Variants in NADK observed in about 807,000 individuals in gnomAD.
The protein encoded by NADK is poly(P)/ATP NAD kinase.
A neutral mutation model predicts 49.8 loss-of-function variants in NADK; 22 were observed. The ratio of observed to expected loss-of-function variants is 0.44; its 90% CI spans 0.32 to 0.63. NADK has a LOEUF of 0.63. Ranked by LOEUF, NADK falls within the 30% of genes least tolerant of loss-of-function variation. The probability of loss-of-function intolerance (pLI) is 0.06; values close to 1 mark genes in which losing one functional copy is unlikely to be tolerated. For missense variants in NADK, 438 were observed against 609.4 expected (o/e 0.72, Z 2.96); for synonymous variants, 268 against 253.7 (o/e 1.06, Z -0.54).
chr1:1,756,311 T>C lies in NADK; in HGVS notation c.532A>G (p.Ile178Val), dbSNP rs745346902. ...GTCCCGTCTCCCCCCAGGCAGATGATGAAGTCTATCTGATTGGAAATGTCA... is the reference window on the plus strand; with the variant it reads ...GTCCCGTCTCCCCCCAGGCAGATGACGAAGTCTATCTGATTGGAAATGTCA... ...YDDISNQIDF[I>V]ICLGGDGTLL... The change falls in exon 6 of 12, where the codon ATC becomes GTC. Residue 178 changes from isoleucine (I) to valine (V), a missense_variant. By Grantham distance (29) the Ile-to-Val change is conservative. Transcript: ENST00000341426. 1.9e-6 allele frequency: 3 copies of C among 1,614,144 alleles called. No homozygotes were observed. The highest frequency in any genetic ancestry group is 1.1e-5 in the South Asian group (1 of 91,090).
intron 1 of NADK, among the ~76,000 whole-genome samples, chr1:1,768,537 T>C (rs1469424806): frequency 1.2e-4 from 19 of 152,260 alleles, no homozygotes; most frequent in Non-Finnish European, 2.5e-4. Flanking sequence ...GCCTAGGCAA[T>C]AGAGACCCTG....
intron 2 of NADK, among the ~76,000 whole-genome samples, chr1:1,764,788 C>T (rs191611338): frequency 5.1e-4 from 78 of 152,322 alleles, no homozygotes; most frequent in African/African-American, 1.8e-3. Flanking sequence ...GTAATCCCAG[C>T]TTCTTGGGAG....
chr1:1,765,663 G>A (rs952889585), intron 1 of NADK, among the ~76,000 whole-genome samples: 1 of 152,196 alleles, frequency 6.6e-6, no homozygotes, highest in African/African-American at 2.4e-5. Flanking sequence ...TGTCATCCCA[G>A]CACTTTGGGA....
rs1244509206 is a variant in NADK, at chr1:1,754,994, G to T, written c.689-296C>A. On this transcript the variant is annotated intron_variant, in intron 7 of 11. Transcript: ENST00000341426. This position sits in a 1 kb window ranked among gnomAD's most constrained non-coding sequence, Gnocchi z 4.3. Reference sequence around the variant, plus strand: ...GCACCACCACGCCCAGCTAATTTTTGTATTTTTAGTAGAGACGGGGTTTCA... The same window carrying T: ...GCACCACCACGCCCAGCTAATTTTTTTATTTTTAGTAGAGACGGGGTTTCA... The T allele has an allele frequency of 7.4e-6, 3 of 403,836 alleles. No homozygotes were observed. The highest frequency in any genetic ancestry group is 8.6e-5 in the Admixed American group (2 of 23,320). 25.0% of individuals were successfully genotyped at this position (403,836 alleles called of 1,614,324 possible).
intron 2 of NADK, 107 bp from the exon 3 acceptor site, chr1:1,762,142 A>G (rs1359248112): frequency 2.2e-6 from 2 of 918,694 alleles, no homozygotes; most frequent in African/African-American, 3.3e-5. Context: ...TGCAATTTGA[A>G]AGATGCCAAC....
At chr1:1,771,093 T>C (rs984686297) in intron 1 of NADK, among the ~76,000 whole-genome samples, 2 of 146,484 alleles carry the variant, frequency 1.4e-5, no homozygotes, top group South Asian at 2.1e-4. Context: ...CACACACATA[T>C]ATTATTAAAA....
chr1:1,763,375 T>C (rs537610003), intron 2 of NADK, among the ~76,000 whole-genome samples: 1 of 152,124 alleles, frequency 6.6e-6, no homozygotes, highest in East Asian at 1.9e-4. Flanking sequence ...TCCCAGCACT[T>C]TGGGAGGCTG....
At chr1:1,765,593 C>T in intron 1 of NADK, 147 bp from the exon 2 acceptor site, 1 of 458,730 alleles carries the variant, frequency 2.2e-6, no homozygotes, top group Non-Finnish European at 3.7e-6. Flanking sequence ...CAGACTGTTT[C>T]CATTGCAAAG....
chr1:1,766,729 C>G (rs1383962383), intron 1 of NADK, among the ~76,000 whole-genome samples: 1 of 151,176 alleles, frequency 6.6e-6, no homozygotes, highest in Non-Finnish European at 1.5e-5. Context: ...CTCAGCCTTC[C>G]AAGTAGCTGG....
chr1:1,754,233 A>G lies in NADK; in HGVS notation c.944-25T>C, dbSNP rs750556093. ...CCTGACAGGGACAGGCGCAGGCGTC[A>G]CTCCCGCCCGAGGGACGCTCAGGGC... On this transcript the variant is annotated intron_variant, in intron 9 of 11. Coordinates refer to ENST00000341426, the MANE Select transcript of NADK (RefSeq NM_023018.5). The surrounding 1 kb of genome is among the most constrained non-coding windows in gnomAD (Gnocchi z 4.3). The G allele has an allele frequency of 6.2e-7, 1 of 1,612,670 alleles. No individual in the cohort carries two copies. Among genetic ancestry groups the G allele is most frequent in the South Asian group, 1.1e-5 (1 of 91,060 alleles).
intron 1 of NADK, among the ~76,000 whole-genome samples, chr1:1,772,543 C>T (rs373053968): frequency 7.2e-5 from 11 of 151,980 alleles, no homozygotes; most frequent in Non-Finnish European, 1.5e-4. Flanking sequence ...GAGGCCGAGG[C>T]GGGAGGATCG....
chr1:1,776,391 A>C (rs1412504211), intron 1 of NADK, among the ~76,000 whole-genome samples: 7 of 152,144 alleles, frequency 4.6e-5, no homozygotes, highest in Non-Finnish European at 7.3e-5. Context: ...TTTCAAGAAG[A>C]AAATGCTGTT....
rs998538937 is a variant in NADK at position 1,753,653 on chromosome 1, A to T, written c.1102-4T>A. On this transcript the variant is annotated splice_polypyrimidine_tract_variant and splice_region_variant and intron_variant, in intron 10 of 11. Transcript: ENST00000341426. ...TTGCTTCAGGTGACAGCATGATCTG[A>T]GGGTCAAGCAGGGAGAGGTGTGGGC... 16 of 1,601,790 alleles carry T rather than the reference A, an allele frequency of 1.0e-5. No homozygotes were observed. The East Asian group carries it at 2.5e-4, about 25-fold the overall frequency.
chr1:1,775,151 A>G (rs1049479766), intron 1 of NADK, among the ~76,000 whole-genome samples: 1 of 152,104 alleles, frequency 6.6e-6, no homozygotes, highest in Non-Finnish European at 1.5e-5. Flanking sequence ...GTTTTATTAG[A>G]AAAAAATACT....
At position 1,773,742 on chromosome 1, in the gene NADK, G is replaced by C. The variant is rs1453103678; in HGVS notation, c.-41+4547C>G. 2.0e-5 allele frequency among the ~76,000 whole-genome samples: 3 copies of C among 147,036 alleles called. No individual in the cohort carries two copies. The South Asian group carries it at 6.5e-4, about 32-fold the overall frequency. ...TGTGTGTGTGTGTGAGAGAGAGAGA[G>C]AAATAGAGATATTGAGAGACTGAGA... On this transcript the variant is annotated intron_variant, in intron 1 of 11. Transcript: ENST00000341426.
intron 2 of NADK, among the ~76,000 whole-genome samples, chr1:1,763,696 T>C (rs1371134662): frequency 6.6e-6 from 1 of 151,874 alleles, no homozygotes; most frequent in African/African-American, 2.4e-5. Flanking sequence ...GAAAAGATTA[T>C]TGCGGAAAAC....
At chr1:1,777,391 AG>A (rs1160068473) in intron 1 of NADK, among the ~76,000 whole-genome samples, 2 of 152,188 alleles carry the variant, frequency 1.3e-5, no homozygotes, top group Admixed American at 6.5e-5. Context: ...TGACATCAGG[AG>A]GAAAAAAAAA....
At chr1:1,757,395 A>G in intron 3 of NADK, 85 bp from the exon 4 acceptor site, 2 of 1,271,594 alleles carry the variant, frequency 1.6e-6, no homozygotes, top group South Asian at 1.4e-5. Context: ...AAAAAAAAAA[A>G]TCTTTAAAAA....
chr1:1,764,900 C>CA (rs1312499069), intron 2 of NADK, among the ~76,000 whole-genome samples: 1 of 151,988 alleles, frequency 6.6e-6, no homozygotes, highest in African/African-American at 2.4e-5. Context: ...GACTCAGTCT[C>CA]AAAAAAAAGT....
Sources: allele counts gnomAD v4.1 joint callset (sites outside exome capture counted in the v4.1 genomes callset), GRCh38; gene constraint gnomAD v4.1.1; non-coding constraint Gnocchi (gnomAD v3.1); transcripts MANE v1.5; gene names NCBI Gene and HGNC (gene_info 2026-07-23, HGNC 2026-07-21).